Variants in GYG1 observed in about 807,000 individuals in gnomAD.
The protein encoded by GYG1 is glycogenin-1.
A neutral mutation model predicts 41.9 loss-of-function variants in GYG1; 44 were observed. The observed-to-expected ratio is 1.05, with a 90% confidence interval of 0.83 to 1.35. The LOEUF (loss-of-function observed/expected upper bound fraction) is 1.35. Ranked by LOEUF, GYG1 falls within the 40% of genes most tolerant of loss-of-function variation. GYG1 has a pLI of 0.00. For missense variants in GYG1, 429 were observed against 418.9 expected (o/e 1.02, Z -0.21); for synonymous variants, 141 against 158.1 (o/e 0.89, Z 0.81).
rs1713578106 is a variant in GYG1, at chr3:149,009,217, A to G, written c.482-59A>G. On this transcript the variant is annotated intron_variant, in intron 4 of 7. Transcript: ENST00000345003. ...TTTAAAGGTCCAGTTATGTGCTCCT[A>G]TAAAATTATTAAACTGTCTAGAGAT... 9.6e-6 allele frequency: 13 copies of G among 1,358,974 alleles called. No homozygotes were observed. In the African/African-American group the frequency reaches 1.0e-4, roughly 11 times the overall value. The allele number at this position is 1,358,974 out of a possible 1,614,324, so 84.2% of individuals were successfully genotyped here.
At chr3:149,011,247 T>C (rs1050286779) in intron 5 of GYG1, among the ~76,000 whole-genome samples, 1 of 152,202 alleles carries the variant, frequency 6.6e-6, no homozygotes, top group African/African-American at 2.4e-5. Flanking sequence ...GTGTCTCACA[T>C]GGAAATGTGA....
At chr3:148,994,689 T>G (rs888188164) in intron 2 of GYG1, among the ~76,000 whole-genome samples, 1 of 152,200 alleles carries the variant, frequency 6.6e-6, no homozygotes, top group Non-Finnish European at 1.5e-5. Flanking sequence ...CTAGGGAAAC[T>G]CTCAGGTGAC....
rs1714794291 is a variant in GYG1, at chr3:149,028,835, C to G, written c.*1902C>G. On this transcript the variant is annotated 3_prime_UTR_variant, in exon 8 of 8. Transcript: ENST00000345003. ...TCCTGGATTCAAGAGATTCTCCTAC[C>G]TCAGCCTCCTGAGTAGCTGGGACTA... Among the ~76,000 whole-genome samples, 1 of 151,834 alleles carries G rather than the reference C, an allele frequency of 6.6e-6. No individual in the cohort carries two copies. The highest frequency in any genetic ancestry group is 6.6e-5 in the Admixed American group (1 of 15,250).
At chr3:149,026,711 A>G (rs1714669230) in intron 7 of GYG1, 49 bp from the exon 8 acceptor site, 1 of 1,362,558 alleles carries the variant, frequency 7.3e-7, no homozygotes, top group Non-Finnish European at 1.1e-6. Context: ...ATTCTTTAAA[A>G]CAGTTTGATT....
At position 149,027,004 on chromosome 3, in the gene GYG1, G is replaced by A; in HGVS notation, c.*71G>A. 2.0e-6 allele frequency: 3 copies of A among 1,520,682 alleles called. No homozygotes were observed. Among genetic ancestry groups the A allele is most frequent in the South Asian group, 2.2e-5 (2 of 89,146 alleles). The allele number at this position is 1,520,682 out of a possible 1,614,324, so 94.2% of individuals were successfully genotyped here. A position where few individuals can be genotyped will look rare whatever the true frequency, so the allele number is the denominator to read the frequency against. ...TTCTGATACTTAGTATCTAGAGCTG[G>A]GTTGAGAAAAGTCTGTTACAGTTGC... is the stretch of plus-strand genomic sequence containing the variant. On this transcript the variant is annotated 3_prime_UTR_variant, in exon 8 of 8. Transcript: ENST00000345003.
chr3:149,007,816 TCATGCA>T (rs1713485044), intron 4 of GYG1, among the ~76,000 whole-genome samples: 1 of 152,178 alleles, frequency 6.6e-6, no homozygotes, highest in African/African-American at 2.4e-5. Context: ...ACATATGCAC[TCATGCA>T]CATGCACACA....
At chr3:149,010,519 G>C (rs1713661345) in intron 5 of GYG1, among the ~76,000 whole-genome samples, 1 of 151,936 alleles carries the variant, frequency 6.6e-6, no homozygotes, top group South Asian at 2.1e-4. Context: ...TGGAGATGGG[G>C]TTTCACCGCA....
Position 149,003,470 on chromosome 3 carries a change from G to C in GYG1, c.482-5806G>C, listed in dbSNP as rs151276574. Among the ~76,000 whole-genome samples, 38 of 152,220 alleles carry C rather than the reference G, an allele frequency of 2.5e-4. No homozygotes were observed. The East Asian group carries it at 6.4e-3, about 25-fold the overall frequency. On this transcript the variant is annotated intron_variant, in intron 4 of 7. Transcript: ENST00000345003. The stretch of plus-strand genomic sequence containing the variant: ...CCTTTTTGGATTTTGAAGTATCTGA[G>C]AGTTGGAACCTATCTGAATCTTCCT...
intron 5 of GYG1, among the ~76,000 whole-genome samples, chr3:149,016,974 T>A (rs1397348102): frequency 1.3e-5 from 2 of 152,078 alleles, no homozygotes; most frequent in African/African-American, 4.8e-5. Flanking sequence ...CAGAGAAGTG[T>A]CGCACAAGCA....
At chr3:149,019,885 G>A (rs564268810) in intron 5 of GYG1, among the ~76,000 whole-genome samples, 277 of 152,358 alleles carry the variant, frequency 1.8e-3, no homozygotes, top group African/African-American at 6.0e-3. Context: ...TGAACCAGTC[G>A]TGTGGCGGTC....
Position 149,009,338 on chromosome 3 carries a change from C to G in GYG1, c.544C>G (p.His182Asp), listed in dbSNP as rs150420606. 8.1e-6 allele frequency: 13 copies of G among 1,612,334 alleles called. No homozygotes were observed. Among genetic ancestry groups the G allele is most frequent in the Non-Finnish European group, 1.0e-5 (12 of 1,178,412 alleles). The change falls in exon 5 of 8, where the codon CAC (histidine) becomes GAC (aspartate). Residue 182 changes from histidine (H) to aspartate (D), a missense_variant. Coordinates refer to ENST00000345003, the MANE Select transcript of GYG1 (RefSeq NM_004130.4). ...SSWATTDIRKHLPFIYNLSSI... is the reference protein window; with the variant it reads ...SSWATTDIRKDLPFIYNLSSI... Reference sequence around the variant, plus strand: ...CTGGGCAACAACAGATATCAGAAAACACCTGCCGTTTATTTATAACCTAAG... The same window carrying G: ...CTGGGCAACAACAGATATCAGAAAAGACCTGCCGTTTATTTATAACCTAAG...
intron 5 of GYG1, among the ~76,000 whole-genome samples, chr3:149,011,075 CCAA>C (rs1362153468): frequency 6.6e-6 from 1 of 152,146 alleles, no homozygotes; most frequent in Non-Finnish European, 1.5e-5. Context: ...GTATATGTCT[CCAA>C]CATATTACAT....
rs1004317925 is a variant in GYG1 at position 149,031,026 on chromosome 3, G to C, written c.*4093G>C. ...TTGTTAGAGTAATTAATCTTTCTTT[G>C]GATTAAAGTTTCCCTTTGAAATAAA... On this transcript the variant is annotated 3_prime_UTR_variant, in exon 8 of 8. Transcript: ENST00000345003. 2 of 151,872 alleles carry C rather than the reference G, an allele frequency of 1.3e-5. No homozygotes were observed. Among genetic ancestry groups the C allele is most frequent in the Non-Finnish European group, 1.5e-5 (1 of 67,982 alleles). 9.4% of individuals were successfully genotyped at this position (151,872 alleles called of 1,614,324 possible). A position where few individuals can be genotyped will look rare whatever the true frequency, so the allele number is the denominator to read the frequency against.
intron 6 of GYG1, 83 bp from the exon 7 acceptor site, chr3:149,026,369 G>C (rs778975982): frequency 2.3e-6 from 2 of 873,326 alleles, no homozygotes; most frequent in Non-Finnish European, 4.0e-6. Context: ...CAACCTTTCA[G>C]AGCCCACACA....
intron 5 of GYG1, among the ~76,000 whole-genome samples, chr3:149,017,755 C>T (rs559259382): frequency 2.0e-3 from 300 of 150,498 alleles, no homozygotes; most frequent in African/African-American, 6.9e-3. Context: ...AGGCACACAC[C>T]GCCATGCCCA....
rs2107932346 is a variant in GYG1, at chr3:149,030,997, T to C, written c.*4064T>C. 1 of 152,294 alleles carries C rather than the reference T, an allele frequency of 6.6e-6. No individual in the cohort carries two copies. The highest frequency in any genetic ancestry group is 1.9e-4 in the East Asian group (1 of 5,188). 9.4% of individuals were successfully genotyped at this position (152,294 alleles called of 1,614,324 possible). A position where few individuals can be genotyped will look rare whatever the true frequency, so the allele number is the denominator to read the frequency against. On this transcript the variant is annotated 3_prime_UTR_variant, in exon 8 of 8. Transcript: ENST00000345003. ...TGTATCATCAAACATGAAGCTTCTC[T>C]TGTTTGTTAGAGTAATTAATCTTTC... is the stretch of plus-strand genomic sequence containing the variant.
chr3:149,009,964 A>G (rs1235400379), intron 5 of GYG1, among the ~76,000 whole-genome samples: 1 of 152,184 alleles, frequency 6.6e-6, no homozygotes, highest in Non-Finnish European at 1.5e-5. Context: ...CCATGTCTTC[A>G]TAGGGTTATT....
In GYG1 at chr3:149,021,427, T is replaced by C. The variant is rs1483103066; in HGVS notation, c.609-2626T>C. Among the ~76,000 whole-genome samples, 4 of 152,218 alleles carry C rather than the reference T, an allele frequency of 2.6e-5. No homozygotes were observed. In the South Asian group the frequency reaches 6.2e-4, roughly 24 times the overall value. On this transcript the variant is annotated intron_variant, in intron 5 of 7. Transcript: ENST00000345003. ...AAGCTTGGGGATATCAAATATCCTCTTCATTTATCAGAAGAAACAAACCGT... is the reference window on the plus strand; with the variant it reads ...AAGCTTGGGGATATCAAATATCCTCCTCATTTATCAGAAGAAACAAACCGT...
At position 149,026,638 on chromosome 3, in the gene GYG1, CT is replaced by C. The variant is rs1235929101; in HGVS notation, c.880-118del. 4 of 995,688 alleles carry C rather than the reference CT, an allele frequency of 4.0e-6. No individual in the cohort carries two copies. The African/African-American group carries it at 6.4e-5, about 16-fold the overall frequency. 61.7% of individuals were successfully genotyped at this position (995,688 alleles called of 1,614,324 possible). On this transcript the variant is annotated intron_variant, in intron 7 of 7. Transcript: ENST00000345003. ...TCTTTTTTGTTTGTTTCATGTAATACTTTTCAGTTTTTGCTACTTTGCATGA... is the reference window on the plus strand; with the variant it reads ...TCTTTTTTGTTTGTTTCATGTAATACTTTCAGTTTTTGCTACTTTGCATGA...
Sources: gnomAD v4.1 joint callset for allele counts (sites outside exome capture counted in the v4.1 genomes callset) on GRCh38, gnomAD v4.1.1 for gene constraint, MANE v1.5 for transcripts, NCBI Gene and HGNC (gene_info 2026-07-23, HGNC 2026-07-21) for gene names.